Variants in SAMMSON observed in about 807,000 individuals in gnomAD.
The protein encoded by SAMMSON is long intergenic non-protein coding RNA 1212.
chr3:70,370,082 A>T (rs1702954228), intron 9 of SAMMSON, among the ~76,000 whole-genome samples: 1 of 151,782 alleles, frequency 6.6e-6, no homozygotes, highest in African/African-American at 2.4e-5. Flanking sequence ...TCTGTGCCTG[A>T]CATATTTTAC....
intron 1 of SAMMSON, among the ~76,000 whole-genome samples, chr3:70,006,781 A>G (rs1232490065): frequency 6.8e-6 from 1 of 147,682 alleles, no homozygotes; most frequent in Non-Finnish European, 1.5e-5. Context: ...TAACATGTTA[A>G]TGCTATCCCT....
intron 7 of SAMMSON, among the ~76,000 whole-genome samples, chr3:70,347,329 A>G (rs1229852756): frequency 6.6e-6 from 1 of 152,244 alleles, no homozygotes; most frequent in African/African-American, 2.4e-5. Context: ...CAACAAATCA[A>G]GGGAGGGCAA....
At chr3:70,019,399 TG>T (rs2067000910) in intron 3 of SAMMSON, among the ~76,000 whole-genome samples, 1 of 152,202 alleles carries the variant, frequency 6.6e-6, no homozygotes, top group Admixed American at 6.5e-5. Flanking sequence ...AGACTAGGAT[TG>T]CAACCCCTGC....
At chr3:70,043,424 A>G (rs1008373731) in intron 3 of SAMMSON, among the ~76,000 whole-genome samples, 5 of 152,272 alleles carry the variant, frequency 3.3e-5, no homozygotes, top group Non-Finnish European at 5.9e-5. Flanking sequence ...CCAGAAAGCT[A>G]AATTTTACTT....
chr3:70,111,225 C>T (rs1446095291), intron 4 of SAMMSON, among the ~76,000 whole-genome samples: 1 of 152,006 alleles, frequency 6.6e-6, no homozygotes, highest in Non-Finnish European at 1.5e-5. Context: ...TCTGACCCTG[C>T]ATAAGAACAC....
chr3:70,150,148 A>G (rs992362378), intron 4 of SAMMSON, among the ~76,000 whole-genome samples: 4 of 152,068 alleles, frequency 2.6e-5, no homozygotes, highest in Non-Finnish European at 2.9e-5. Context: ...TTCGAACCAA[A>G]AGTATGTCTG....
At chr3:70,311,861 G>T in intron 7 of SAMMSON, 1 of 397,342 alleles carries the variant, frequency 2.5e-6, no homozygotes, top group South Asian at 1.3e-4. Context: ...CACACCAATA[G>T]AAAATCAAGA....
intron 1 of SAMMSON, among the ~76,000 whole-genome samples, chr3:70,005,449 C>T (rs1029837468): frequency 1.3e-5 from 2 of 152,100 alleles, no homozygotes; most frequent in Middle Eastern, 3.2e-3. Context: ...CTTCTTTCTC[C>T]ATGTGGTGTT....
chr3:70,367,812 A>G (rs1289821230), intron 9 of SAMMSON, among the ~76,000 whole-genome samples: 1 of 151,658 alleles, frequency 6.6e-6, no homozygotes, highest in Non-Finnish European at 1.5e-5. Flanking sequence ...AGTGTTTTTC[A>G]TAATGGCTGT....
chr3:70,200,615 T>G (rs887947832), intron 4 of SAMMSON, among the ~76,000 whole-genome samples: 5 of 152,214 alleles, frequency 3.3e-5, no homozygotes, highest in African/African-American at 1.2e-4. Flanking sequence ...CTGTTTTATT[T>G]TTTCTTCATA....
At chr3:70,422,738 T>G (rs1299739136) in intron 2 of SAMMSON, among the ~76,000 whole-genome samples, 3 of 152,010 alleles carry the variant, frequency 2.0e-5, no homozygotes, top group Non-Finnish European at 4.4e-5. Context: ...TGTAGTGTTT[T>G]TCTTCTGGTG....
At chr3:70,407,121 T>C (rs772767915) in intron 2 of SAMMSON, among the ~76,000 whole-genome samples, 2 of 152,184 alleles carry the variant, frequency 1.3e-5, no homozygotes, top group African/African-American at 2.4e-5. Flanking sequence ...GAGAACAGTA[T>C]GGGGGAACCA....
At chr3:70,433,166 G>A (rs1411889871) in intron 2 of SAMMSON, among the ~76,000 whole-genome samples, 2 of 151,934 alleles carry the variant, frequency 1.3e-5, no homozygotes, top group African/African-American at 4.8e-5. Context: ...AACTCCTTTG[G>A]GCAAATACCA....
intron 6 of SAMMSON, among the ~76,000 whole-genome samples, chr3:70,290,708 T>C (rs946857072): frequency 1.3e-5 from 2 of 152,068 alleles, no homozygotes; most frequent in African/African-American, 4.8e-5. Context: ...TAGCAATCAG[T>C]GAGACTCCGT....
intron 3 of SAMMSON, among the ~76,000 whole-genome samples, chr3:70,054,842 A>C (rs367994124): frequency 5.9e-5 from 9 of 152,080 alleles, no homozygotes; most frequent in Non-Finnish European, 1.3e-4. Flanking sequence ...GCTATTTAGA[A>C]ATGTGTACCT....
chr3:70,060,752 G>A lies in SAMMSON; in HGVS notation n.418-10724G>A, dbSNP rs138116951. Among the ~76,000 whole-genome samples, 322 of 152,226 alleles carry A rather than the reference G, an allele frequency of 2.1e-3. 3 individuals carry two copies. Among genetic ancestry groups the A allele is most frequent in the African/African-American group, 7.2e-3 (300 of 41,568 alleles). ...TGATCTGGCCCAACATGTCAATAGT[G>A]CTTCAGTACCCTGATCTAGACATAG... On this transcript the variant is annotated intron_variant and non_coding_transcript_variant, in intron 3 of 9. Transcript: ENST00000642114.
At chr3:70,379,341 G>A (rs1426020189) in intron 9 of SAMMSON, among the ~76,000 whole-genome samples, 1 of 152,180 alleles carries the variant, frequency 6.6e-6, no homozygotes, top group Non-Finnish European at 1.5e-5. Flanking sequence ...TCCTGCATTT[G>A]TATTTGCTAA....
intron 6 of SAMMSON, among the ~76,000 whole-genome samples, chr3:70,262,664 G>A (rs1460586506): frequency 6.6e-6 from 1 of 152,144 alleles, no homozygotes; most frequent in Non-Finnish European, 1.5e-5. Context: ...TTACACTTGT[G>A]TCACATAACA....
At chr3:70,127,474 A>C (rs143616145) in intron 4 of SAMMSON, among the ~76,000 whole-genome samples, 111 of 152,302 alleles carry the variant, frequency 7.3e-4, no homozygotes, top group African/African-American at 2.5e-3. Context: ...AGACCAGGGA[A>C]GTTGATAATG....
Sources: allele counts gnomAD v4.1 joint callset (sites outside exome capture counted in the v4.1 genomes callset), GRCh38; gene constraint gnomAD v4.1.1; transcripts MANE v1.5; gene names NCBI Gene and HGNC (gene_info 2026-07-23, HGNC 2026-07-21).